The following NOS1AP variants were observed in gnomAD, a reference collection of about 807,000 sequenced individuals.
NOS1AP encodes the protein nitric oxide synthase 1 adaptor protein.
NOS1AP carries 21 observed loss-of-function variants against 56.2 expected under a neutral mutation model. The ratio of observed to expected loss-of-function variants is 0.37; its 90% CI spans 0.26 to 0.54. The LOEUF (loss-of-function observed/expected upper bound fraction) is 0.54, where lower values mean the gene tolerates loss of function less well. Among genes scored for constraint, NOS1AP ranks in the 20% least tolerant of loss-of-function variants. The pLI, the probability that NOS1AP is intolerant of heterozygous loss-of-function variation, is 0.84. For synonymous variants in NOS1AP, 270 were observed against 274.6 expected, an observed-to-expected ratio of 0.98 and a Z score of 0.17; for missense variants, 522 against 657.8, an observed-to-expected ratio of 0.79 and a Z score of 2.26.
At chr1:162,273,979 T>C (rs1654664638) in intron 2 of NOS1AP, among the ~76,000 whole-genome samples, 3 of 152,212 alleles carry the variant, frequency 2.0e-5, no homozygotes, top group Admixed American at 2.0e-4. Flanking sequence ...TGGAAGGATA[T>C]TTGAGTCGTT....
intron 2 of NOS1AP, among the ~76,000 whole-genome samples, chr1:162,160,930 G>A (rs1434013353): frequency 1.3e-5 from 2 of 152,326 alleles, no homozygotes; most frequent in South Asian, 2.1e-4. Flanking sequence ...TCCTTCTGGA[G>A]GTTCTAGAGG....
chr1:162,293,228 A>AT lies in NOS1AP; in HGVS notation c.270+5801dup, dbSNP rs200779033. On this transcript the variant is annotated intron_variant, in intron 3 of 9. Coordinates refer to ENST00000361897, the MANE Select transcript of NOS1AP (RefSeq NM_014697.3). ...AAACTGAGTTTATGTGGCCTTTGCA[A>AT]TTTTTTTTTGAGTCACCGCTGCTAT... Among the ~76,000 whole-genome samples the AT allele has an allele frequency of 2.2e-4, 34 of 151,214 alleles. 1 individual carries two copies. In the East Asian group the frequency reaches 6.0e-3, roughly 27 times the overall value.
At chr1:162,192,313 A>G (rs1202734351) in intron 2 of NOS1AP, among the ~76,000 whole-genome samples, 1 of 152,164 alleles carries the variant, frequency 6.6e-6, no homozygotes, top group Non-Finnish European at 1.5e-5. Flanking sequence ...CTAGTGTGAA[A>G]GTTGCTACTC....
At chr1:162,351,203 C>T (rs1657483049) in intron 6 of NOS1AP, among the ~76,000 whole-genome samples, 1 of 152,212 alleles carries the variant, frequency 6.6e-6, no homozygotes, top group Non-Finnish European at 1.5e-5. Flanking sequence ...ACACATAAAA[C>T]TAGTGCAGTG....
intron 1 of NOS1AP, among the ~76,000 whole-genome samples, chr1:162,099,434 C>A: frequency 6.6e-6 from 1 of 152,028 alleles, no homozygotes; most frequent in South Asian, 2.1e-4. Context: ...TTGTGATCCA[C>A]CCTCAGCCTC....
At chr1:162,319,830 C>T (rs922873262) in intron 4 of NOS1AP, among the ~76,000 whole-genome samples, 2 of 152,156 alleles carry the variant, frequency 1.3e-5, no homozygotes, top group African/African-American at 4.8e-5. Flanking sequence ...ACTGCCCTCA[C>T]CTTTGTGAAC....
At chr1:162,238,285 C>T (rs1475012105) in intron 2 of NOS1AP, among the ~76,000 whole-genome samples, 1 of 151,980 alleles carries the variant, frequency 6.6e-6, no homozygotes, top group Non-Finnish European at 1.5e-5. Flanking sequence ...CCCCACTAAC[C>T]CCCTCAGCTG....
At chr1:162,234,509 C>A (rs1231632461) in intron 2 of NOS1AP, among the ~76,000 whole-genome samples, 2 of 152,142 alleles carry the variant, frequency 1.3e-5, no homozygotes, top group African/African-American at 2.4e-5. Flanking sequence ...ATCATTGTGG[C>A]AGCTCTTCTT....
At chr1:162,209,667 T>C (rs1177305898) in intron 2 of NOS1AP, among the ~76,000 whole-genome samples, 1 of 152,072 alleles carries the variant, frequency 6.6e-6, no homozygotes, top group Non-Finnish European at 1.5e-5. Flanking sequence ...GGAAGAGAAA[T>C]TGATTAGAGA....
At chr1:162,272,833 A>G (rs1203995858) in intron 2 of NOS1AP, among the ~76,000 whole-genome samples, 4 of 152,278 alleles carry the variant, frequency 2.6e-5, no homozygotes, top group African/African-American at 7.2e-5. Context: ...TTGAAATGTT[A>G]GAGTTCTATA....
intron 1 of NOS1AP, among the ~76,000 whole-genome samples, chr1:162,114,026 G>T (rs1321897537): frequency 6.6e-6 from 1 of 152,162 alleles, no homozygotes; most frequent in South Asian, 2.1e-4. Flanking sequence ...AATGTTTCCC[G>T]TGGTGGTGTG....
At chr1:162,094,584 C>G (rs1185087043) in intron 1 of NOS1AP, among the ~76,000 whole-genome samples, 1 of 152,208 alleles carries the variant, frequency 6.6e-6, no homozygotes, top group Admixed American at 6.5e-5. Flanking sequence ...GTTCTGCAGG[C>G]ATGCCCTGGG....
chr1:162,085,460 G>A (rs1691982855), intron 1 of NOS1AP, among the ~76,000 whole-genome samples: 1 of 152,154 alleles, frequency 6.6e-6, no homozygotes, highest in Admixed American at 6.5e-5. Flanking sequence ...TCACTGGGAA[G>A]ACCAAGAAGA....
intron 1 of NOS1AP, among the ~76,000 whole-genome samples, chr1:162,104,406 A>G (rs1485597274): frequency 6.6e-6 from 1 of 151,954 alleles, no homozygotes; most frequent in Admixed American, 6.6e-5. Context: ...CTTCTCATGG[A>G]GTATCTTACT....
intron 8 of NOS1AP, chr1:162,365,050 A>G: frequency 2.6e-6 from 3 of 1,170,492 alleles, no homozygotes; most frequent in Non-Finnish European, 3.2e-6. Context: ...GCAGGGATGG[A>G]GCACCGTGCG....
At chr1:162,247,536 A>G (rs925296127) in intron 2 of NOS1AP, among the ~76,000 whole-genome samples, 1 of 152,170 alleles carries the variant, frequency 6.6e-6, no homozygotes, top group Non-Finnish European at 1.5e-5. Context: ...TTGTCTTTAT[A>G]AAGGGTCTGA....
intron 2 of NOS1AP, among the ~76,000 whole-genome samples, chr1:162,246,476 G>A (rs1042665758): frequency 6.6e-6 from 1 of 152,156 alleles, no homozygotes; most frequent in African/African-American, 2.4e-5. Context: ...GGTGCTGGCT[G>A]TTATGGTGTG....
intron 1 of NOS1AP, among the ~76,000 whole-genome samples, chr1:162,136,093 A>G (rs925727627): frequency 3.3e-5 from 5 of 152,184 alleles, no homozygotes; most frequent in Non-Finnish European, 7.3e-5. Context: ...GGCCTCAACA[A>G]ATGCTGTACA....
chr1:162,230,616 T>C (rs1653091611), intron 2 of NOS1AP, among the ~76,000 whole-genome samples: 1 of 152,202 alleles, frequency 6.6e-6, no homozygotes, highest in Non-Finnish European at 1.5e-5. Context: ...ATCTTGCAGA[T>C]CTGAAACTCT....
Sources: gnomAD v4.1 joint callset for allele counts (sites outside exome capture counted in the v4.1 genomes callset) on GRCh38, gnomAD v4.1.1 for gene constraint, MANE v1.5 for transcripts, NCBI Gene and HGNC (gene_info 2026-07-23, HGNC 2026-07-21) for gene names.